Variants in CCDC170 observed in about 807,000 individuals in gnomAD.
The protein encoded by CCDC170 is coiled-coil domain-containing protein 170.
Under a neutral mutation model 72.6 loss-of-function variants are expected in CCDC170, and 69 were observed. The ratio of observed to expected loss-of-function variants is 0.95; its 90% confidence interval spans 0.78 to 1.16. The LOEUF (loss-of-function observed/expected upper bound fraction) is 1.16, where lower values mean the gene tolerates loss of function less well. CCDC170 is among the 50% of genes most tolerant of loss of function. The probability of loss-of-function intolerance (pLI) is 0.00; values close to 1 mark genes in which losing one functional copy is unlikely to be tolerated. For missense variants in CCDC170, 852 were observed against 832.5 expected (o/e 1.02, Z -0.29); for synonymous variants, 300 against 303.9 (o/e 0.99, Z 0.13).
chr6:151,523,146 G>A (rs897027525), intron 1 of CCDC170, among the ~76,000 whole-genome samples: 6 of 152,176 alleles, frequency 3.9e-5, no homozygotes, highest in African/African-American at 1.4e-4. Flanking sequence ...ATGGGCCACT[G>A]TGGAGGCTCT....
chr6:151,612,102 T>A (rs1776882462), intron 9 of CCDC170, among the ~76,000 whole-genome samples: 1 of 152,188 alleles, frequency 6.6e-6, no homozygotes, highest in Non-Finnish European at 1.5e-5. Context: ...TAAATCTGAT[T>A]TTTTCCATCT....
chr6:151,494,267 C>A, intron 1 of CCDC170, 82 bp downstream of exon 1: 1 of 1,344,658 alleles, frequency 7.4e-7, no homozygotes, highest in East Asian at 3.0e-5. Context: ...CCCTGATTTG[C>A]ACCCTTTTCC....
At chr6:151,613,322 G>A (rs948931259) in intron 9 of CCDC170, among the ~76,000 whole-genome samples, 4 of 152,188 alleles carry the variant, frequency 2.6e-5, no homozygotes, top group Admixed American at 1.3e-4. Context: ...AGAATTGCTC[G>A]AAACCAGAAA....
At chr6:151,539,578 A>G (rs538191773) in intron 3 of CCDC170, among the ~76,000 whole-genome samples, 58 of 152,292 alleles carry the variant, frequency 3.8e-4, no homozygotes, top group African/African-American at 1.3e-3. Flanking sequence ...CTCAGGGATC[A>G]GCCCCTGAAT....
At position 151,534,753 on chromosome 6, in the gene CCDC170, G is replaced by A. The variant is rs574651569; in HGVS notation, c.58-1565G>A. Among the ~76,000 whole-genome samples the A allele has an allele frequency of 3.9e-5, 6 of 152,316 alleles. No individual in the cohort carries two copies. The East Asian group carries it at 5.8e-4, about 15-fold the overall frequency. On this transcript the variant is annotated intron_variant, in intron 1 of 10. Coordinates refer to ENST00000239374, the MANE Select transcript of CCDC170 (RefSeq NM_025059.4). ...TGGACTGAATCACACTGGTCATGAC[G>A]CTTGTTGGAAAGTTATGAGCTTTAA...
intron 1 of CCDC170, among the ~76,000 whole-genome samples, chr6:151,526,555 C>T (rs1473617262): frequency 4.5e-4 from 63 of 140,698 alleles, no homozygotes; most frequent in Non-Finnish European, 3.3e-4. Context: ...CTCGCTCTGT[C>T]GCCAGACTGG....
intron 6 of CCDC170, among the ~76,000 whole-genome samples, chr6:151,583,272 C>T (rs568863319): frequency 1.8e-4 from 28 of 151,748 alleles, no homozygotes; most frequent in African/African-American, 6.8e-4. Flanking sequence ...GGATTACAGG[C>T]GTGAGCCACC....
chr6:151,538,860 A>G (rs766743477), intron 3 of CCDC170, among the ~76,000 whole-genome samples: 18 of 152,244 alleles, frequency 1.2e-4, no homozygotes, highest in Non-Finnish European at 2.4e-4. Context: ...ATCTTTAGTA[A>G]CAAAATACAT....
At chr6:151,570,951 C>T (rs1036600544) in intron 5 of CCDC170, among the ~76,000 whole-genome samples, 2 of 152,106 alleles carry the variant, frequency 1.3e-5, no homozygotes, top group East Asian at 3.8e-4. Flanking sequence ...AAAATAGATT[C>T]CATAATTAGT....
intron 5 of CCDC170, among the ~76,000 whole-genome samples, chr6:151,555,486 G>A (rs1050931359): frequency 6.6e-6 from 1 of 152,138 alleles, no homozygotes; most frequent in Admixed American, 6.6e-5. Context: ...TGACCTTCAG[G>A]CCATTTAGAA....
chr6:151,601,815 AG>A (rs1375536788), intron 9 of CCDC170, among the ~76,000 whole-genome samples: 1 of 152,168 alleles, frequency 6.6e-6, no homozygotes, highest in Non-Finnish European at 1.5e-5. Flanking sequence ...CACATTATGG[AG>A]GGCACTCTGC....
intron 6 of CCDC170, among the ~76,000 whole-genome samples, chr6:151,584,835 G>A (rs562081491): frequency 6.6e-6 from 1 of 152,126 alleles, no homozygotes. Flanking sequence ...TTTAAGCACG[G>A]CTGTTTATAG....
At chr6:151,539,434 T>TGAACCGTTTTCTTC (rs1169505073) in intron 3 of CCDC170, among the ~76,000 whole-genome samples, 1 of 152,210 alleles carries the variant, frequency 6.6e-6, no homozygotes, top group African/African-American at 2.4e-5. Flanking sequence ...TCTTTTTCTT[T>TGAACCGTTTTCTTC]GAACCGTTTT....
intron 5 of CCDC170, among the ~76,000 whole-genome samples, chr6:151,553,823 T>G (rs1346878932): frequency 6.6e-6 from 1 of 152,172 alleles, no homozygotes; most frequent in African/African-American, 2.4e-5. Context: ...ATTTACTACT[T>G]AAAAATACCA....
chr6:151,522,600 A>G (rs1327944664), intron 1 of CCDC170, among the ~76,000 whole-genome samples: 1 of 152,160 alleles, frequency 6.6e-6, no homozygotes, highest in Non-Finnish European at 1.5e-5. Flanking sequence ...ATAGGAGAAC[A>G]ACACAGCAGC....
chr6:151,527,050 A>ATTTTTTTTTTTTTTT (rs56941290), intron 1 of CCDC170, among the ~76,000 whole-genome samples: 20 of 69,684 alleles, frequency 2.9e-4, no homozygotes, highest in East Asian at 8.7e-4. Context: ...ATGCTTAGCT[A>ATTTTTTTTTTTTTTT]TTTTTTTTTT....
At chr6:151,526,795 G>A (rs1782417707) in intron 1 of CCDC170, among the ~76,000 whole-genome samples, 1 of 152,078 alleles carries the variant, frequency 6.6e-6, no homozygotes, top group Non-Finnish European at 1.5e-5. Context: ...TCTAAGTGCA[G>A]CCCCTGCCCA....
At chr6:151,513,551 A>C (rs1200212209) in intron 1 of CCDC170, among the ~76,000 whole-genome samples, 1 of 142,812 alleles carries the variant, frequency 7.0e-6, no homozygotes, top group Non-Finnish European at 1.5e-5. Flanking sequence ...CAGAGGTTGC[A>C]GTAAGCCGAG....
At position 151,573,462 on chromosome 6, in the gene CCDC170, A is replaced by G. The variant is rs1776258865; in HGVS notation, c.1063A>G (p.Met355Val). 2.5e-6 allele frequency: 4 copies of G among 1,614,126 alleles called. No individual in the cohort carries two copies. The highest frequency in any genetic ancestry group is 3.4e-6 in the Non-Finnish European group (4 of 1,179,968). The change falls in exon 6 of 11, where the codon ATG (methionine) becomes GTG (valine). Residue 355 changes from methionine (M) to valine (V), a missense_variant. Physicochemically the swap from Met to Val is conservative, Grantham distance 21. Transcript: ENST00000239374. ...EDTILEKIRE[M>V]DSREESRDRM... ...CACCATTTTGGAGAAGATTCGAGAA[A>G]TGGACAGCCGGGAAGAAAGCAGGGA... is the stretch of plus-strand genomic sequence containing the variant.
Sources: gnomAD v4.1 joint callset for allele counts (sites outside exome capture counted in the v4.1 genomes callset) on GRCh38, gnomAD v4.1.1 for gene constraint, MANE v1.5 for transcripts, NCBI Gene and HGNC (gene_info 2026-07-23, HGNC 2026-07-21) for gene names.